The following PTPRA variants were observed in gnomAD, a reference collection of about 807,000 sequenced individuals.
PTPRA encodes protein tyrosine phosphatase receptor type A, also known as receptor-type tyrosine-protein phosphatase alpha.
In PTPRA, 25 loss-of-function variants were observed where a neutral mutation model predicts 104.8. The observed-to-expected ratio is 0.24, with a 90% CI of 0.17 to 0.33. The LOEUF is 0.33. PTPRA is among the 10% of genes least tolerant of loss of function. The pLI, the probability that PTPRA is intolerant of heterozygous loss-of-function variation, is 1.00. For synonymous variants in PTPRA, 323 were observed against 368.9 expected (o/e 0.88, Z 1.43); for missense variants, 765 against 1,015.3 (o/e 0.75, Z 3.35).
At chr20:2,884,299 T>A (rs1464700403) in intron 1 of PTPRA, among the ~76,000 whole-genome samples, 1 of 152,176 alleles carries the variant, frequency 6.6e-6, no homozygotes, top group Non-Finnish European at 1.5e-5. Context: ...TGACTAACTT[T>A]GAGGGGCTGT....
At chr20:2,910,947 G>A (rs1183434136) in intron 1 of PTPRA, among the ~76,000 whole-genome samples, 1 of 139,106 alleles carries the variant, frequency 7.2e-6, no homozygotes, top group African/African-American at 2.7e-5. Flanking sequence ...GTAGAGATGT[G>A]GTCTCACTGT....
chr20:2,988,500 A>G (rs758992660), intron 9 of PTPRA, 26 bp downstream of exon 9: 1 of 1,607,600 alleles, frequency 6.2e-7, no homozygotes. Context: ...AGGCTGGTGT[A>G]TCAGCAGGGA....
intron 1 of PTPRA, among the ~76,000 whole-genome samples, chr20:2,914,731 A>G (rs1600105803): frequency 6.6e-6 from 1 of 152,190 alleles, no homozygotes; most frequent in East Asian, 1.9e-4. Context: ...TTGGAGACGA[A>G]AAAAGTACGG....
intron 1 of PTPRA, among the ~76,000 whole-genome samples, chr20:2,922,183 GA>G (rs1257800755): frequency 6.6e-6 from 1 of 152,154 alleles, no homozygotes; most frequent in Non-Finnish European, 1.5e-5. Flanking sequence ...ACCCTTACTG[GA>G]AAGACCTATG....
chr20:2,964,488 CTT>C (rs2061875271), intron 4 of PTPRA, 138 bp downstream of exon 4: 1 of 713,028 alleles, frequency 1.4e-6, no homozygotes, highest in South Asian at 1.9e-5. Flanking sequence ...AAATAGGTGT[CTT>C]CAGAAATCTT....
At chr20:2,866,134 T>C in the PTPRA span, 2 of 1,280,510 alleles carry the variant, frequency 1.6e-6, no homozygotes, top group Admixed American at 1.9e-5. Context: ...GATGTATGCA[T>C]TGCGCCTCTG....
At chr20:3,029,538 A>ATTTTTTTTT (rs1390310900) in intron 20 of PTPRA, among the ~76,000 whole-genome samples, 1 of 35,638 alleles carries the variant, frequency 2.8e-5, no homozygotes, top group African/African-American at 2.1e-4. Context: ...GGTCTTCATC[A>ATTTTTTTTT]TCTTTTTTTT....
intron 5 of PTPRA, among the ~76,000 whole-genome samples, chr20:2,968,673 G>A (rs1462097385): frequency 6.6e-6 from 1 of 152,136 alleles, no homozygotes; most frequent in African/African-American, 2.4e-5. Flanking sequence ...CAGCACTTTG[G>A]GAGGCTGAAG....
chr20:2,962,528 T>C (rs1277205134), intron 3 of PTPRA, among the ~76,000 whole-genome samples: 1 of 152,234 alleles, frequency 6.6e-6, no homozygotes, highest in Non-Finnish European at 1.5e-5. Context: ...TGTATACATA[T>C]ACATATATAA....
chr20:2,895,105 C>G (rs557646464), intron 1 of PTPRA, among the ~76,000 whole-genome samples: 1 of 151,850 alleles, frequency 6.6e-6, no homozygotes, highest in Admixed American at 6.6e-5. Flanking sequence ...TAGACAGAGT[C>G]TTGATCTGTC....
chr20:2,920,659 G>A (rs1231428198), intron 1 of PTPRA, among the ~76,000 whole-genome samples: 1 of 152,078 alleles, frequency 6.6e-6, no homozygotes, highest in Non-Finnish European at 1.5e-5. Context: ...TGTAATTTGA[G>A]ATCATTGTTG....
chr20:2,969,072 C>T (rs970770734), intron 5 of PTPRA, among the ~76,000 whole-genome samples: 7 of 151,902 alleles, frequency 4.6e-5, no homozygotes, highest in Non-Finnish European at 7.4e-5. Context: ...ATTAGTCAAA[C>T]GTGTTGGCAT....
chr20:2,986,969 G>A, intron 7 of PTPRA, 120 bp downstream of exon 7: 1 of 892,608 alleles, frequency 1.1e-6, no homozygotes, highest in South Asian at 1.4e-5. Flanking sequence ...GAGGGGGAAT[G>A]ACCCATGATA....
chr20:2,952,133 A>G (rs910305524), intron 3 of PTPRA, among the ~76,000 whole-genome samples: 1 of 151,960 alleles, frequency 6.6e-6, no homozygotes, highest in Non-Finnish European at 1.5e-5. Context: ...AAAGAAAAAA[A>G]AAAAACTGTC....
intron 9 of PTPRA, among the ~76,000 whole-genome samples, chr20:2,998,647 T>C (rs56727561): frequency 6.6e-6 from 1 of 152,142 alleles, no homozygotes; most frequent in South Asian, 2.1e-4. Flanking sequence ...AGACCTACCT[T>C]GGAAGGTAGT....
At chr20:2,983,651 T>G (rs1489796899) in intron 6 of PTPRA, among the ~76,000 whole-genome samples, 1 of 150,800 alleles carries the variant, frequency 6.6e-6, no homozygotes, top group Non-Finnish European at 1.5e-5. Flanking sequence ...GTGCTAGATA[T>G]AGAAGATAAG....
chr20:2,954,077 CTTT>C (rs35144002), intron 3 of PTPRA, among the ~76,000 whole-genome samples: 83 of 102,600 alleles, frequency 8.1e-4, no homozygotes, highest in African/African-American at 2.8e-3. Flanking sequence ...ACCCGGCTAA[CTTT>C]TTTTTTTTTT....
chr20:2,979,759 G>T (rs961150198), intron 6 of PTPRA, among the ~76,000 whole-genome samples: 1 of 152,168 alleles, frequency 6.6e-6, no homozygotes, highest in Non-Finnish European at 1.5e-5. Flanking sequence ...GCCCAGGCTG[G>T]TCTCAAACTC....
At chr20:2,865,979 G>A in the PTPRA span, 36 of 560,742 alleles carry the variant, frequency 6.4e-5, no homozygotes, top group Non-Finnish European at 9.3e-5. The surrounding 1 kb of genome is among the most constrained non-coding windows in gnomAD (Gnocchi z 5.2). Flanking sequence ...GAGCAGAAGC[G>A]TGGAAATAAT....
Sources: gnomAD v4.1 joint callset for allele counts (sites outside exome capture counted in the v4.1 genomes callset) on GRCh38, gnomAD v4.1.1 for gene constraint, Gnocchi (gnomAD v3.1) non-coding constraint, MANE v1.5 for transcripts, NCBI Gene and HGNC (gene_info 2026-07-23, HGNC 2026-07-21) for gene names.